The following CMSS1 variants were observed in gnomAD, a reference collection of about 807,000 sequenced individuals.
CMSS1 encodes the protein protein CMSS1.
In CMSS1, 33 loss-of-function variants were observed where a neutral mutation model predicts 43.5. The ratio of observed to expected loss-of-function variants is 0.76; its 90% CI spans 0.57 to 1.01. The LOEUF (loss-of-function observed/expected upper bound fraction) is 1.01, where lower values mean the gene tolerates loss of function less well. CMSS1 is among the 50% of genes least tolerant of loss of function. CMSS1 has a pLI of 0.00. For synonymous variants in CMSS1, 115 were observed against 117.2 expected (o/e 0.98, Z 0.12); for missense variants, 313 against 326.4 (o/e 0.96, Z 0.32).
In CMSS1 at chr3:100,119,126, G is replaced by A. The variant is rs1251928660; in HGVS notation, c.65-27847G>A. Among the ~76,000 whole-genome samples, 3 of 152,236 alleles carry A rather than the reference G, an allele frequency of 2.0e-5. No individual in the cohort carries two copies. In the East Asian group the frequency reaches 5.8e-4, roughly 29 times the overall value. On this transcript the variant is annotated intron_variant, in intron 1 of 9. Transcript: ENST00000421999. Reference sequence around the variant, plus strand: ...AATGACTTTAAAATGATTCAGGGAAGCCTAATACTGTGCTTTTTGCTAGAT... The same window carrying A: ...AATGACTTTAAAATGATTCAGGGAAACCTAATACTGTGCTTTTTGCTAGAT...
chr3:99,983,381 AATAAATAAATATATATATAT>A (rs1559713260), intron 1 of CMSS1, among the ~76,000 whole-genome samples: 4 of 30,026 alleles, frequency 1.3e-4, no homozygotes, highest in African/African-American at 3.7e-4. Flanking sequence ...TTAAAAAATA[AATAAATAAATATATATATAT>A]ATATATATAT....
intron 1 of CMSS1, among the ~76,000 whole-genome samples, chr3:99,932,079 A>T (rs1035396160): frequency 1.3e-5 from 2 of 152,194 alleles, no homozygotes; most frequent in African/African-American, 4.8e-5. Context: ...TACCACACAA[A>T]TTTATAAAAT....
At chr3:99,996,159 A>G (rs1709673826) in intron 1 of CMSS1, among the ~76,000 whole-genome samples, 1 of 152,098 alleles carries the variant, frequency 6.6e-6, no homozygotes, top group Non-Finnish European at 1.5e-5. Context: ...TCACCTCTTG[A>G]ATGCTTTGCT....
chr3:99,861,036 C>A (rs1486447061), intron 1 of CMSS1, among the ~76,000 whole-genome samples: 1 of 152,082 alleles, frequency 6.6e-6, no homozygotes, highest in Non-Finnish European at 1.5e-5. Flanking sequence ...GCTAGAGAGT[C>A]TACTCATTTT....
intron 1 of CMSS1, among the ~76,000 whole-genome samples, chr3:100,107,895 AG>A (rs2066421813): frequency 1.3e-5 from 2 of 149,174 alleles, no homozygotes; most frequent in Non-Finnish European, 1.5e-5. Context: ...AAAAAAAAAA[AG>A]TTACTTGCTT....
At chr3:99,940,325 T>C (rs1472401710) in intron 1 of CMSS1, among the ~76,000 whole-genome samples, 1 of 152,236 alleles carries the variant, frequency 6.6e-6, no homozygotes, top group Non-Finnish European at 1.5e-5. Context: ...GAAAATCATA[T>C]GATTCTTTTA....
At position 100,180,270 on chromosome 3, in the gene CMSS1, G is replaced by C. The variant is rs1000785006; in HGVS notation, c.*1882G>C. On this transcript the variant is annotated 3_prime_UTR_variant, in exon 10 of 10. Transcript: ENST00000421999. The stretch of plus-strand genomic sequence containing the variant: ...TGGCTATTAACATTTGGCTCCTCTT[G>C]TGCAAACTTCTGCAGTGAGCTTGAA... The C allele has an allele frequency of 3.3e-5, 5 of 152,236 alleles. No homozygotes were observed. The highest frequency in any genetic ancestry group is 7.3e-5 in the Non-Finnish European group (5 of 68,046). 9.4% of individuals were successfully genotyped at this position (152,236 alleles called of 1,614,324 possible).
intron 1 of CMSS1, among the ~76,000 whole-genome samples, chr3:100,033,461 G>A (rs2065053855): frequency 6.6e-6 from 1 of 152,132 alleles, no homozygotes; most frequent in Admixed American, 6.6e-5. Context: ...CTTCTTGAAG[G>A]TCTTGACTAA....
chr3:100,090,079 C>T (rs1431881015), intron 1 of CMSS1, among the ~76,000 whole-genome samples: 1 of 152,242 alleles, frequency 6.6e-6, no homozygotes, highest in African/African-American at 2.4e-5. Flanking sequence ...TCTCAAAGCT[C>T]ATTGCTTCAC....
chr3:100,045,923 G>T (rs1389359722), intron 1 of CMSS1, among the ~76,000 whole-genome samples: 1 of 152,116 alleles, frequency 6.6e-6, no homozygotes, highest in East Asian at 1.9e-4. Flanking sequence ...CACTGGGGAA[G>T]GGGGAGGAGG....
chr3:99,887,099 C>G (rs1271288540), intron 1 of CMSS1, among the ~76,000 whole-genome samples: 3 of 151,626 alleles, frequency 2.0e-5, no homozygotes, highest in Non-Finnish European at 2.9e-5. Context: ...TGGAGAAACC[C>G]CATCTCTACT....
At chr3:99,848,655 C>T (rs760359050) in intron 1 of CMSS1, 1 of 1,614,134 alleles carries the variant, frequency 6.2e-7, no homozygotes, top group South Asian at 1.1e-5. Context: ...CTGAACCAGT[C>T]ACAGCCAAAA....
At chr3:99,930,758 A>G (rs776386635) in intron 1 of CMSS1, 2 of 1,612,844 alleles carry the variant, frequency 1.2e-6, no homozygotes, top group Non-Finnish European at 8.5e-7. Flanking sequence ...GATAACTCCA[A>G]CCCAGCTGAC....
rs75423186 is a variant in CMSS1 at position 99,916,829 on chromosome 3, T to C, written c.64+98786T>C. On this transcript the variant is annotated intron_variant, in intron 1 of 9. Coordinates refer to ENST00000421999, the MANE Select transcript of CMSS1 (RefSeq NM_032359.4). The stretch of plus-strand genomic sequence containing the variant: ...CTGTGCAGTGATACTCACTCATCAC[T>C]TGTGCCAGCCATCATCTTCACGGCT... Among the ~76,000 whole-genome samples, 127 of 152,352 alleles carry C rather than the reference T, an allele frequency of 8.3e-4. 1 individual carries two copies. In the East Asian group the frequency reaches 0.024, roughly 29 times the overall value.
chr3:100,035,810 C>G (rs1222449587), intron 1 of CMSS1, among the ~76,000 whole-genome samples: 1 of 152,166 alleles, frequency 6.6e-6, no homozygotes, highest in Non-Finnish European at 1.5e-5. Flanking sequence ...CAGTCATCAA[C>G]TCATGGCCAA....
chr3:100,013,377 G>A (rs1710223590), intron 1 of CMSS1, among the ~76,000 whole-genome samples: 6 of 151,986 alleles, frequency 3.9e-5, no homozygotes, highest in Non-Finnish European at 1.5e-5. Context: ...CTGAGTAGCT[G>A]GGATTACAGT....
chr3:100,167,901 C>A, intron 6 of CMSS1, 61 bp downstream of exon 6: 1 of 1,109,658 alleles, frequency 9.0e-7, no homozygotes, highest in Admixed American at 2.0e-5. Flanking sequence ...ATATGCCAAG[C>A]TATTATGTTC....
At chr3:99,886,101 A>C (rs1190944325) in intron 1 of CMSS1, among the ~76,000 whole-genome samples, 1 of 147,938 alleles carries the variant, frequency 6.8e-6, no homozygotes, top group Non-Finnish European at 1.5e-5. Flanking sequence ...AGAACACTCT[A>C]TGTGTGCACA....
Position 100,178,497 on chromosome 3 carries a change from A to C in CMSS1, c.*109A>C, listed in dbSNP as rs774703654. 1.1e-5 allele frequency: 7 copies of C among 653,692 alleles called. No individual in the cohort carries two copies. The highest frequency in any genetic ancestry group is 1.9e-5 in the Non-Finnish European group (7 of 372,418). The allele number at this position is 653,692 out of a possible 1,614,324, so 40.5% of individuals were successfully genotyped here. A position where few individuals can be genotyped will look rare whatever the true frequency, so the allele number is the denominator to read the frequency against. Reference sequence around the variant, plus strand: ...AAATATCAGCAAATAGTTTATGTTAATTGTGTCAACAGATGGATCACTGGA... The same window carrying C: ...AAATATCAGCAAATAGTTTATGTTACTTGTGTCAACAGATGGATCACTGGA... On this transcript the variant is annotated 3_prime_UTR_variant, in exon 10 of 10. Transcript: ENST00000421999.
Sources: gnomAD v4.1 joint callset for allele counts (sites outside exome capture counted in the v4.1 genomes callset) on GRCh38, gnomAD v4.1.1 for gene constraint, MANE v1.5 for transcripts, NCBI Gene and HGNC (gene_info 2026-07-23, HGNC 2026-07-21) for gene names.